Variants in TMEFF2 observed in about 807,000 individuals in gnomAD.
The protein encoded by TMEFF2 is tomoregulin-2.
TMEFF2 carries 28 observed loss-of-function variants against 53.8 expected under a neutral mutation model. The ratio of observed to expected loss-of-function variants is 0.52; its 90% confidence interval spans 0.39 to 0.71. The LOEUF (loss-of-function observed/expected upper bound fraction) is 0.71, where lower values mean the gene tolerates loss of function less well. TMEFF2 is among the 30% of genes least tolerant of loss of function. The probability of loss-of-function intolerance (pLI) is 0.00; values close to 1 mark genes in which losing one functional copy is unlikely to be tolerated. For missense variants in TMEFF2, 353 were observed against 455.2 expected (o/e 0.78, Z 2.04); for synonymous variants, 162 against 166.3 (o/e 0.97, Z 0.20).
chr2:192,039,966 C>T (rs576607556), intron 5 of TMEFF2, among the ~76,000 whole-genome samples: 1 of 152,062 alleles, frequency 6.6e-6, no homozygotes. Context: ...CAAGTTTTAA[C>T]AAAGAATCAC....
At chr2:192,016,732 C>T (rs1005610635) in intron 5 of TMEFF2, among the ~76,000 whole-genome samples, 1 of 152,190 alleles carries the variant, frequency 6.6e-6, no homozygotes, top group African/African-American at 2.4e-5. Context: ...TTTTCTTGAG[C>T]ATTACCAAAT....
At chr2:192,056,922 G>A (rs1687924207) in intron 5 of TMEFF2, among the ~76,000 whole-genome samples, 2 of 152,130 alleles carry the variant, frequency 1.3e-5, no homozygotes, top group Admixed American at 1.3e-4. Context: ...CCTTGATCTT[G>A]GACTTCTCAG....
intron 7 of TMEFF2, among the ~76,000 whole-genome samples, chr2:191,964,386 CTTTCTTTCTTTCTCTTTCTTTCTTTCTT>C (rs1278152437): frequency 0.035 from 1,211 of 35,052 alleles, 26 homozygotes; most frequent in African/African-American, 0.092. Flanking sequence ...TTCTTTCTTT[CTTTCTTTCTTTCTCTTTCTTTCTTTCTT>C]TCTTTCTTTC....
intron 4 of TMEFF2, among the ~76,000 whole-genome samples, chr2:192,161,821 G>A (rs889919119): frequency 5.9e-5 from 9 of 152,072 alleles, no homozygotes; most frequent in African/African-American, 2.2e-4. Flanking sequence ...AATGGTGTTC[G>A]ATAAAGCATA....
intron 5 of TMEFF2, among the ~76,000 whole-genome samples, chr2:192,023,925 T>A (rs541264716): frequency 9.2e-5 from 14 of 152,184 alleles, no homozygotes; most frequent in Non-Finnish European, 2.1e-4. Context: ...TTAAAAGGCA[T>A]GCTAAAGAAA....
intron 5 of TMEFF2, among the ~76,000 whole-genome samples, chr2:192,050,976 T>C (rs1268112544): frequency 6.6e-6 from 1 of 152,122 alleles, no homozygotes; most frequent in Non-Finnish European, 1.5e-5. Context: ...GAAACATTTT[T>C]TGGGCAAATG....
chr2:192,193,757 TAGATAGAGAGAG>T (rs1457815759), intron 1 of TMEFF2, among the ~76,000 whole-genome samples: 41 of 26,668 alleles, frequency 1.5e-3, no homozygotes, highest in South Asian at 6.3e-3. Flanking sequence ...GAGAGATAGA[TAGATAGAGAGAG>T]AGAGAGAGAG....
intron 7 of TMEFF2, among the ~76,000 whole-genome samples, chr2:191,987,799 AAT>A (rs1457124736): frequency 1.3e-5 from 2 of 152,228 alleles, no homozygotes; most frequent in Non-Finnish European, 2.9e-5. Context: ...TGAAATTAAA[AAT>A]ATGATTATCC....
intron 4 of TMEFF2, among the ~76,000 whole-genome samples, chr2:192,077,943 T>C (rs530885222): frequency 6.6e-6 from 1 of 152,242 alleles, no homozygotes; most frequent in African/African-American, 2.4e-5. Context: ...GTGTGAATTC[T>C]AGAAAATAAA....
intron 7 of TMEFF2, among the ~76,000 whole-genome samples, chr2:191,974,311 T>C (rs1414208390): frequency 6.6e-6 from 1 of 152,196 alleles, no homozygotes; most frequent in Non-Finnish European, 1.5e-5. Context: ...GATTGCCTTC[T>C]TCTTTCAGTT....
At chr2:191,954,397 A>C (rs927224194) in intron 8 of TMEFF2, among the ~76,000 whole-genome samples, 2 of 152,102 alleles carry the variant, frequency 1.3e-5, no homozygotes, top group Non-Finnish European at 1.5e-5. Flanking sequence ...TTACTAGATA[A>C]TTTGTTTTTG....
At chr2:192,015,308 CTTTTTTTTT>C (rs34696715) in intron 5 of TMEFF2, among the ~76,000 whole-genome samples, 16 of 76,270 alleles carry the variant, frequency 2.1e-4, no homozygotes, top group East Asian at 4.2e-4. Context: ...ATCACTGAAG[CTTTTTTTTT>C]TTTTTTTTTT....
intron 4 of TMEFF2, among the ~76,000 whole-genome samples, chr2:192,140,844 G>C (rs1690119935): frequency 6.6e-6 from 1 of 152,172 alleles, no homozygotes. Context: ...TTAGCCACAG[G>C]CAGGACAGGG....
chr2:192,083,426 G>A (rs1003277785), intron 4 of TMEFF2, among the ~76,000 whole-genome samples: 17 of 152,018 alleles, frequency 1.1e-4, no homozygotes, highest in African/African-American at 4.1e-4. Flanking sequence ...GCAGAAAACA[G>A]CAATATGGAC....
chr2:192,064,959 T>C (rs528935217), intron 4 of TMEFF2, among the ~76,000 whole-genome samples: 1 of 151,986 alleles, frequency 6.6e-6, no homozygotes, highest in East Asian at 1.9e-4. Flanking sequence ...ATTTTAGCTT[T>C]ACCTAATGAA....
chr2:192,140,377 C>T (rs562792815), intron 4 of TMEFF2, among the ~76,000 whole-genome samples: 4 of 152,292 alleles, frequency 2.6e-5, no homozygotes, highest in African/African-American at 4.8e-5. Flanking sequence ...TCACTATGAG[C>T]TAACCACATA....
chr2:192,185,017 C>T (rs562706484), intron 2 of TMEFF2, among the ~76,000 whole-genome samples: 1 of 151,800 alleles, frequency 6.6e-6, no homozygotes, highest in Non-Finnish European at 1.5e-5. Flanking sequence ...AGATAAGATA[C>T]TGATTTACTT....
intron 4 of TMEFF2, among the ~76,000 whole-genome samples, chr2:192,118,445 T>G (rs1689469610): frequency 6.6e-6 from 1 of 152,168 alleles, no homozygotes; most frequent in South Asian, 2.1e-4. Flanking sequence ...CTTTAAAAAG[T>G]ATATATAAGT....
At chr2:192,134,846 T>A (rs1021269439) in intron 4 of TMEFF2, among the ~76,000 whole-genome samples, 1 of 152,162 alleles carries the variant, frequency 6.6e-6, no homozygotes, top group African/African-American at 2.4e-5. Context: ...CAGCCTTTAT[T>A]AGTCAAATCA....
Sources: allele counts gnomAD v4.1 joint callset (sites outside exome capture counted in the v4.1 genomes callset), GRCh38; gene constraint gnomAD v4.1.1; transcripts MANE v1.5; gene names NCBI Gene and HGNC (gene_info 2026-07-23, HGNC 2026-07-21).